Variants in CLCN3 observed in about 807,000 individuals in gnomAD.
CLCN3 encodes the protein Cl-/H+ antiporter 3.
Under a neutral mutation model 83.4 loss-of-function variants are expected in CLCN3, and 16 were observed. That is an observed-to-expected ratio of 0.19 (90% CI 0.13 to 0.29). CLCN3 has a LOEUF of 0.29. CLCN3 is among the 10% of genes least tolerant of loss of function. The probability of loss-of-function intolerance (pLI) is 1.00; values close to 1 mark genes in which losing one functional copy is unlikely to be tolerated. For missense variants in CLCN3, 544 were observed against 1,006.0 expected, an observed-to-expected ratio of 0.54 and a Z score of 6.21; for synonymous variants, 322 against 346.2, an observed-to-expected ratio of 0.93 and a Z score of 0.78.
At chr4:169,693,823 T>A (rs1732459692) in intron 7 of CLCN3, among the ~76,000 whole-genome samples, 2 of 152,242 alleles carry the variant, frequency 1.3e-5, no homozygotes, top group African/African-American at 2.4e-5. Flanking sequence ...TTAATGTTCA[T>A]ACTGTAGTGA....
intron 2 of CLCN3, chr4:169,660,230 G>T (rs905931534): frequency 1.9e-5 from 23 of 1,210,222 alleles, no homozygotes; most frequent in Non-Finnish European, 2.3e-5. Context: ...TTGCTTCAGC[G>T]AGTCGAACTA....
chr4:169,670,683 T>C (rs1427647007), intron 2 of CLCN3, among the ~76,000 whole-genome samples: 1 of 152,240 alleles, frequency 6.6e-6, no homozygotes, highest in African/African-American at 2.4e-5. Context: ...GGAATAGCGT[T>C]GAATCTATAA....
At chr4:169,635,136 A>G (rs1329317538) in intron 1 of CLCN3, among the ~76,000 whole-genome samples, 4 of 152,148 alleles carry the variant, frequency 2.6e-5, no homozygotes, top group African/African-American at 9.7e-5. Context: ...TTACTAGGCC[A>G]TATCTGCTAA....
rs551284535 is a variant in CLCN3 at position 169,684,867 on chromosome 4, C to T, written c.319-2791C>T. On this transcript the variant is annotated intron_variant, in intron 3 of 12. Transcript: ENST00000513761. ...CACACATACAACATTGTCAGTATAA[C>T]AGTACCAACACCATCTCCAACAATA... 2.6e-5 allele frequency among the ~76,000 whole-genome samples: 4 copies of T among 152,110 alleles called. No individual in the cohort carries two copies. In the South Asian group the frequency reaches 8.3e-4, roughly 32 times the overall value.
At position 169,692,314 on chromosome 4, in the gene CLCN3, A is replaced by C; in HGVS notation, c.930A>C (p.Lys310Asn). 6.3e-7 allele frequency: 1 copy of C among 1,588,048 alleles called. No homozygotes were observed. The highest frequency in any genetic ancestry group is 8.6e-7 in the Non-Finnish European group (1 of 1,158,048). Reference sequence around the variant, plus strand: ...AGTATAGCACAAACGAAGCTAAAAAAAGGGAGGTAAGTGTCTTTTGTAGTT... The same window carrying C: ...AGTATAGCACAAACGAAGCTAAAAACAGGGAGGTAAGTGTCTTTTGTAGTT... ...FPKYSTNEAK[K>N]REVLSAASAA... Residue 310 changes from lysine (K) to asparagine (N), a missense_variant, in exon 7 of 13, where the codon AAA becomes AAC. Physicochemically the swap from Lys to Asn is moderately conservative, Grantham distance 94 (BLOSUM62 0). This residue lies in a region of CLCN3 where 194 missense variants were observed against 341.4 expected (regional missense o/e 0.57). Coordinates refer to ENST00000513761, the MANE Select transcript of CLCN3 (RefSeq NM_001829.4).
chr4:169,685,958 T>C lies in CLCN3; in HGVS notation c.319-1700T>C, dbSNP rs571735488. On this transcript the variant is annotated intron_variant, in intron 3 of 12. Coordinates refer to ENST00000513761, the MANE Select transcript of CLCN3 (RefSeq NM_001829.4). ...CAACTTAGAACTTACCGTGTCATTT[T>C]AGTGGGGCGTTGTGACTTCAAATAG... Among the ~76,000 whole-genome samples, 12 of 152,266 alleles carry C rather than the reference T, an allele frequency of 7.9e-5. No individual in the cohort carries two copies. In the East Asian group the frequency reaches 2.3e-3, roughly 29 times the overall value.
At chr4:169,667,480 A>G (rs1002684256) in intron 2 of CLCN3, among the ~76,000 whole-genome samples, 8 of 152,178 alleles carry the variant, frequency 5.3e-5, no homozygotes, top group African/African-American at 1.4e-4. Context: ...AAAAACTAAA[A>G]TAAGGCAAAA....
intron 11 of CLCN3, among the ~76,000 whole-genome samples, chr4:169,709,460 G>A (rs991902025): frequency 1.3e-5 from 2 of 151,940 alleles, no homozygotes; most frequent in Admixed American, 1.3e-4. Context: ...GAAGCAGGTG[G>A]ATCACTTGAG....
At chr4:169,712,132 G>T (rs904082210) in intron 11 of CLCN3, among the ~76,000 whole-genome samples, 5 of 151,022 alleles carry the variant, frequency 3.3e-5, no homozygotes, top group African/African-American at 1.2e-4. Flanking sequence ...CAAAGTGTTA[G>T]GATTACAAGC....
intron 1 of CLCN3, among the ~76,000 whole-genome samples, chr4:169,634,678 C>T (rs1024537647): frequency 7.2e-5 from 11 of 152,100 alleles, no homozygotes; most frequent in Non-Finnish European, 1.6e-4. Flanking sequence ...CCTCCAAGAA[C>T]AGTTTAATAC....
At chr4:169,695,034 TGTTG>T (rs1307442970) in intron 7 of CLCN3, among the ~76,000 whole-genome samples, 1 of 151,742 alleles carries the variant, frequency 6.6e-6, no homozygotes, top group African/African-American at 2.4e-5. Flanking sequence ...TTTGTAGAGG[TGTTG>T]GTTGGTGAGA....
At chr4:169,624,859 T>C (rs1337914535) in intron 1 of CLCN3, among the ~76,000 whole-genome samples, 2 of 152,156 alleles carry the variant, frequency 1.3e-5, no homozygotes, top group African/African-American at 4.8e-5. Context: ...TGGCGCGATC[T>C]CAGCTATCCT....
At chr4:169,663,725 A>T (rs1428894590) in intron 2 of CLCN3, 2 of 312,084 alleles carry the variant, frequency 6.4e-6, no homozygotes, top group Non-Finnish European at 1.3e-5. Context: ...CCCATTTTCT[A>T]GTTGACAAGA....
chr4:169,623,573 A>G (rs1488788437), intron 1 of CLCN3, among the ~76,000 whole-genome samples: 1 of 152,176 alleles, frequency 6.6e-6, no homozygotes, highest in Non-Finnish European at 1.5e-5. Context: ...CATTATTATT[A>G]ATTATAGTCA....
At chr4:169,682,254 A>C (rs1444727551) in intron 3 of CLCN3, among the ~76,000 whole-genome samples, 1 of 152,168 alleles carries the variant, frequency 6.6e-6, no homozygotes, top group Non-Finnish European at 1.5e-5. Context: ...CACATTTGTT[A>C]ATTTTACCTT....
At chr4:169,674,652 A>G (rs75119568) in intron 2 of CLCN3, among the ~76,000 whole-genome samples, 17,598 of 152,150 alleles carry the variant, frequency 0.12, 1,121 homozygotes, top group East Asian at 0.17. Flanking sequence ...TTTGGCCAAG[A>G]ATGGTATCAA....
chr4:169,649,945 C>T (rs562746551), intron 2 of CLCN3, among the ~76,000 whole-genome samples: 2 of 152,044 alleles, frequency 1.3e-5, no homozygotes, highest in African/African-American at 4.8e-5. Context: ...TTAGCTGGGG[C>T]ATGGTGGTGC....
At chr4:169,634,675 G>A (rs1773461422) in intron 1 of CLCN3, among the ~76,000 whole-genome samples, 1 of 152,088 alleles carries the variant, frequency 6.6e-6, no homozygotes, top group Admixed American at 6.6e-5. Flanking sequence ...ATTCCTCCAA[G>A]AACAGTTTAA....
intron 1 of CLCN3, among the ~76,000 whole-genome samples, chr4:169,632,714 C>T (rs1215139676): frequency 1.8e-5 from 1 of 57,024 alleles, no homozygotes; most frequent in East Asian, 7.7e-4. Context: ...GAGACTCCAT[C>T]TCAAAAAAAA....
Sources: allele counts gnomAD v4.1 joint callset (sites outside exome capture counted in the v4.1 genomes callset), GRCh38; gene constraint gnomAD v4.1.1; regional missense constraint gnomAD v4.1.1; transcripts MANE v1.5; gene names NCBI Gene and HGNC (gene_info 2026-07-23, HGNC 2026-07-21).